The following TBC1D5 variants were observed in gnomAD, a reference collection of about 807,000 sequenced individuals.
TBC1D5 encodes TBC1 domain family, member 5.
TBC1D5 carries 75 observed loss-of-function variants against 100.3 expected under a neutral mutation model. The observed-to-expected ratio is 0.75, with a 90% CI of 0.62 to 0.91. TBC1D5 has a LOEUF of 0.91. Ranked by LOEUF, TBC1D5 falls within the 40% of genes least tolerant of loss-of-function variation. The pLI is 0.00. For missense variants in TBC1D5, 910 were observed against 942.4 expected, an observed-to-expected ratio of 0.97 and a Z score of 0.45; for synonymous variants, 323 against 325.6, an observed-to-expected ratio of 0.99 and a Z score of 0.09.
intron 3 of TBC1D5, among the ~76,000 whole-genome samples, chr3:17,434,769 G>A (rs1002434752): frequency 2.0e-5 from 3 of 152,078 alleles, no homozygotes; most frequent in Non-Finnish European, 4.4e-5. Flanking sequence ...TCCACTCCCC[G>A]TTACTTCTGC....
intron 13 of TBC1D5, among the ~76,000 whole-genome samples, chr3:17,365,153 T>A (rs1431602699): frequency 2.6e-5 from 4 of 152,194 alleles, no homozygotes. Flanking sequence ...TGCTTTCAGT[T>A]ATTTAGACTT....
chr3:17,295,470 T>A (rs1268790708), intron 14 of TBC1D5, among the ~76,000 whole-genome samples: 2 of 152,236 alleles, frequency 1.3e-5, no homozygotes, highest in Non-Finnish European at 2.9e-5. Flanking sequence ...AACCTTTATG[T>A]GCCCCACAAC....
At chr3:17,366,369 C>T (rs1428510231) in intron 13 of TBC1D5, among the ~76,000 whole-genome samples, 1 of 151,834 alleles carries the variant, frequency 6.6e-6, no homozygotes, top group African/African-American at 2.4e-5. Flanking sequence ...AATGCCTAGC[C>T]CTCAGGAAAT....
intron 19 of TBC1D5, among the ~76,000 whole-genome samples, chr3:17,168,986 G>C (rs577209961): frequency 6.6e-6 from 1 of 152,160 alleles, no homozygotes; most frequent in African/African-American, 2.4e-5. Context: ...TTGGCCTGGA[G>C]GCTCTTGCTC....
intron 4 of TBC1D5, among the ~76,000 whole-genome samples, chr3:17,414,493 G>T (rs773047350): frequency 6.6e-6 from 1 of 152,034 alleles, no homozygotes; most frequent in Non-Finnish European, 1.5e-5. Context: ...ATACTTTTAG[G>T]CCATTTTAAA....
rs776465120 is a variant in TBC1D5 at position 17,644,535 on chromosome 3, G to C, written c.-100-20622C>G. ...TAACAAATATTAATGAGTAAGTACTGACAACAATCCATAATTTCTTCTAGA... is the reference window on the plus strand; with the variant it reads ...TAACAAATATTAATGAGTAAGTACTCACAACAATCCATAATTTCTTCTAGA... On this transcript the variant is annotated intron_variant, in intron 1 of 21. Transcript: ENST00000253692. Among the ~76,000 whole-genome samples, 3 of 152,034 alleles carry C rather than the reference G, an allele frequency of 2.0e-5. No homozygotes were observed. In the East Asian group the frequency reaches 5.8e-4, roughly 29 times the overall value.
chr3:17,172,871 T>C (rs1216406084), intron 19 of TBC1D5, among the ~76,000 whole-genome samples: 2 of 152,154 alleles, frequency 1.3e-5, no homozygotes, highest in Non-Finnish European at 2.9e-5. Context: ...TTGGTGGTGG[T>C]GAGGGTGTTA....
intron 2 of TBC1D5, among the ~76,000 whole-genome samples, chr3:17,509,694 T>G (rs1032023960): frequency 3.9e-4 from 59 of 152,048 alleles, no homozygotes; most frequent in Admixed American, 3.7e-3. Flanking sequence ...ATACACATAT[T>G]TTTCTCAAAG....
At chr3:17,607,027 T>C (rs1053607365) in intron 2 of TBC1D5, among the ~76,000 whole-genome samples, 3 of 152,208 alleles carry the variant, frequency 2.0e-5, no homozygotes, top group Non-Finnish European at 2.9e-5. Context: ...CAGATATATA[T>C]ATCTGCTGTA....
chr3:17,713,386 T>G (rs1183289749), intron 1 of TBC1D5, among the ~76,000 whole-genome samples: 1 of 151,912 alleles, frequency 6.6e-6, no homozygotes, highest in African/African-American at 2.4e-5. Flanking sequence ...GGACTACAGG[T>G]GCCCGTCACC....
At chr3:17,409,872 C>G (rs1237106415) in intron 4 of TBC1D5, among the ~76,000 whole-genome samples, 1 of 152,168 alleles carries the variant, frequency 6.6e-6, no homozygotes, top group Admixed American at 6.6e-5. Context: ...ATCTCCATAA[C>G]ATAAAATTGC....
Position 17,455,458 on chromosome 3 carries a change from G to GTA in TBC1D5, c.98-26941_98-26940dup, listed in dbSNP as rs1168102713. ...TGTGTGTGTATATATATATGTGTGT[G>GTA]TATATATATGTGTATATATATGTAT... On this transcript the variant is annotated intron_variant, in intron 3 of 21. Transcript: ENST00000253692. Among the ~76,000 whole-genome samples the GTA allele has an allele frequency of 3.4e-5, 5 of 145,938 alleles. No individual in the cohort carries two copies. In the East Asian group the frequency reaches 7.9e-4, roughly 23 times the overall value.
chr3:17,338,963 A>G (rs1324344694), intron 13 of TBC1D5, among the ~76,000 whole-genome samples: 1 of 152,214 alleles, frequency 6.6e-6, no homozygotes, highest in Admixed American at 6.5e-5. Flanking sequence ...AGATTCACAG[A>G]GGGTTTGATG....
chr3:17,474,351 T>C (rs2095413949), intron 3 of TBC1D5, among the ~76,000 whole-genome samples: 1 of 152,192 alleles, frequency 6.6e-6, no homozygotes, highest in Admixed American at 6.5e-5. Flanking sequence ...TGTCCTAAAA[T>C]GTCCATCATA....
At chr3:17,521,524 G>C (rs866684494) in intron 2 of TBC1D5, among the ~76,000 whole-genome samples, 1 of 152,266 alleles carries the variant, frequency 6.6e-6, no homozygotes, top group South Asian at 2.1e-4. Flanking sequence ...TAGGCTATCA[G>C]TAGTCAAAGC....
At chr3:17,585,915 CAACTGT>C (rs1175638815) in intron 2 of TBC1D5, among the ~76,000 whole-genome samples, 1 of 152,030 alleles carries the variant, frequency 6.6e-6, no homozygotes, top group East Asian at 1.9e-4. Flanking sequence ...GATATACCTC[CAACTGT>C]AAGTTCAATC....
intron 4 of TBC1D5, among the ~76,000 whole-genome samples, chr3:17,414,985 T>C (rs953039621): frequency 1.3e-5 from 2 of 152,186 alleles, no homozygotes; most frequent in Non-Finnish European, 2.9e-5. Flanking sequence ...AGGTAAAGAA[T>C]AGTTCATTGC....
At chr3:17,187,066 C>G (rs1045985262) in intron 18 of TBC1D5, among the ~76,000 whole-genome samples, 7 of 152,068 alleles carry the variant, frequency 4.6e-5, no homozygotes, top group Admixed American at 2.6e-4. Context: ...GAATTTCCCT[C>G]GTTATCACAG....
chr3:17,442,414 A>C (rs970982290), intron 3 of TBC1D5, among the ~76,000 whole-genome samples: 4 of 152,074 alleles, frequency 2.6e-5, no homozygotes, highest in African/African-American at 9.7e-5. Context: ...AACCCCAATT[A>C]TTTTTTTCTT....
Sources: allele counts gnomAD v4.1 joint callset (sites outside exome capture counted in the v4.1 genomes callset), GRCh38; gene constraint gnomAD v4.1.1; transcripts MANE v1.5; gene names NCBI Gene and HGNC (gene_info 2026-07-23, HGNC 2026-07-21).